Variants in XKR6 observed in about 807,000 individuals in gnomAD.
XKR6 encodes the protein XK-related protein 6.
In XKR6, 22 loss-of-function variants were observed where a neutral mutation model predicts 56.7. The ratio of observed to expected loss-of-function variants is 0.39; its 90% CI spans 0.28 to 0.55. The LOEUF is 0.55. Ranked by LOEUF, XKR6 falls within the 20% of genes least tolerant of loss-of-function variation. The pLI is 0.66. For missense variants in XKR6, 852 were observed against 889.0 expected, an observed-to-expected ratio of 0.96 and a Z score of 0.53; for synonymous variants, 524 against 387.8, an observed-to-expected ratio of 1.35 and a Z score of -4.13.
Position 10,977,605 on chromosome 8 carries a change from G to A in XKR6, c.765-52775C>T, listed in dbSNP as rs80044875. Among the ~76,000 whole-genome samples the A allele has an allele frequency of 2.2e-3, 323 of 149,338 alleles. 3 individuals are homozygous for A. In the East Asian group the frequency reaches 0.048, roughly 22 times the overall value. ...CAGGACAGCTGAGGCTGGGCACCCC[G>A]ACTAATTGCTGTTGCTGTGACCGCT... On this transcript the variant is annotated intron_variant, in intron 1 of 2. Coordinates refer to ENST00000416569, the MANE Select transcript of XKR6 (RefSeq NM_173683.4).
chr8:11,090,495 T>C (rs771389778), intron 1 of XKR6, among the ~76,000 whole-genome samples: 2 of 152,082 alleles, frequency 1.3e-5, no homozygotes, highest in Non-Finnish European at 2.9e-5. Context: ...AGATGGTAGG[T>C]GTCTCAAAGA....
intron 1 of XKR6, among the ~76,000 whole-genome samples, chr8:11,057,515 C>A (rs748742757): frequency 6.6e-6 from 1 of 152,208 alleles, no homozygotes; most frequent in Non-Finnish European, 1.5e-5. Context: ...CTCATCCTCA[C>A]GACAACACGC....
chr8:11,074,766 G>T (rs975376948), intron 1 of XKR6, among the ~76,000 whole-genome samples: 1 of 152,216 alleles, frequency 6.6e-6, no homozygotes, highest in African/African-American at 2.4e-5. Context: ...CCAAAGTAGA[G>T]GCTGCACACC....
intron 1 of XKR6, among the ~76,000 whole-genome samples, chr8:11,168,610 T>C (rs1010364621): frequency 3.9e-5 from 6 of 152,212 alleles, no homozygotes; most frequent in Non-Finnish European, 5.9e-5. Flanking sequence ...AAAGTTTACA[T>C]GGAATACTCT....
intron 1 of XKR6, among the ~76,000 whole-genome samples, chr8:10,999,708 G>T (rs1040268331): frequency 4.6e-5 from 7 of 152,190 alleles, no homozygotes; most frequent in African/African-American, 1.7e-4. Flanking sequence ...AGGATGTTCT[G>T]CAGATGTGAC....
chr8:11,046,303 G>C (rs903446785), intron 1 of XKR6, among the ~76,000 whole-genome samples: 5 of 152,138 alleles, frequency 3.3e-5, no homozygotes, highest in African/African-American at 1.2e-4. Context: ...AGGAGGCTGA[G>C]GCAGAAGAAT....
chr8:10,909,619 G>A (rs1194255539), intron 2 of XKR6, among the ~76,000 whole-genome samples: 1 of 152,206 alleles, frequency 6.6e-6, no homozygotes, highest in African/African-American at 2.4e-5. Context: ...AGGCAAACAA[G>A]GGAAGGGATC....
At chr8:10,944,436 G>C (rs1416452111) in intron 1 of XKR6, among the ~76,000 whole-genome samples, 1 of 152,140 alleles carries the variant, frequency 6.6e-6, no homozygotes, top group African/African-American at 2.4e-5. Flanking sequence ...AGAAGGCAAG[G>C]GTTGGACCCA....
intron 1 of XKR6, among the ~76,000 whole-genome samples, chr8:11,146,772 A>C (rs1421768847): frequency 6.6e-6 from 1 of 152,210 alleles, no homozygotes; most frequent in East Asian, 1.9e-4. Flanking sequence ...AAACACACAC[A>C]ATGAAAAAAC....
intron 1 of XKR6, among the ~76,000 whole-genome samples, chr8:10,940,409 C>T (rs537366415): frequency 1.3e-5 from 2 of 152,304 alleles, no homozygotes; most frequent in East Asian, 3.9e-4. Flanking sequence ...CCCTCCAGAG[C>T]CCATGTGCCA....
chr8:10,922,038 A>G (rs991568501), intron 2 of XKR6, among the ~76,000 whole-genome samples: 1 of 152,208 alleles, frequency 6.6e-6, no homozygotes, highest in African/African-American at 2.4e-5. Flanking sequence ...TCTGCCATGT[A>G]AGAACACAGT....
intron 1 of XKR6, among the ~76,000 whole-genome samples, chr8:11,134,698 G>T: frequency 6.7e-6 from 1 of 148,988 alleles, no homozygotes; most frequent in South Asian, 2.1e-4. Flanking sequence ...ATACACACAC[G>T]CACACACACA....
chr8:10,902,441 G>A (rs916185803), intron 2 of XKR6, among the ~76,000 whole-genome samples: 9 of 152,088 alleles, frequency 5.9e-5, no homozygotes, highest in Non-Finnish European at 8.8e-5. Context: ...GAGAACCACC[G>A]GCCATCTCTA....
chr8:11,151,142 C>G (rs893478120), intron 1 of XKR6, among the ~76,000 whole-genome samples: 4 of 152,124 alleles, frequency 2.6e-5, no homozygotes, highest in Non-Finnish European at 5.9e-5. Context: ...TCCAGTTCCT[C>G]TTTCTCCCCC....
intron 2 of XKR6, among the ~76,000 whole-genome samples, chr8:10,913,121 T>A (rs146854941): frequency 1.2e-4 from 18 of 151,740 alleles, no homozygotes; most frequent in African/African-American, 4.1e-4. Flanking sequence ...ATAGAGGGTG[T>A]GTATGTATGT....
intron 1 of XKR6, among the ~76,000 whole-genome samples, chr8:11,180,495 T>C (rs567826471): frequency 1.3e-5 from 2 of 152,296 alleles, no homozygotes; most frequent in East Asian, 3.9e-4. Context: ...CCACATACCC[T>C]GCAAGGGTGG....
Position 10,968,293 on chromosome 8 carries a change from T to C in XKR6, c.765-43463A>G, listed in dbSNP as rs113514502. Among the ~76,000 whole-genome samples, 213 of 152,378 alleles carry C rather than the reference T, an allele frequency of 1.4e-3. 1 individual carries two copies. In the South Asian group the frequency reaches 0.017, roughly 12 times the overall value. ...CAAAGAGAAAAGTGCCTCTGCAGATTGGACTCGGCTCACCCATTTAAAAAA... is the reference window on the plus strand; with the variant it reads ...CAAAGAGAAAAGTGCCTCTGCAGATCGGACTCGGCTCACCCATTTAAAAAA... On this transcript the variant is annotated intron_variant, in intron 1 of 2. Coordinates refer to ENST00000416569, the MANE Select transcript of XKR6 (RefSeq NM_173683.4).
At chr8:11,106,747 G>A (rs1798690193) in intron 1 of XKR6, 1 of 149,922 alleles carries the variant, frequency 6.7e-6, no homozygotes, top group African/African-American at 2.5e-5. Context: ...CTACTCAGGA[G>A]GCTGAGGCAG....
At chr8:11,102,229 G>A (rs1388145718) in intron 1 of XKR6, among the ~76,000 whole-genome samples, 1 of 152,104 alleles carries the variant, frequency 6.6e-6, no homozygotes, top group South Asian at 2.1e-4. Context: ...TCCCAGCCCA[G>A]CATCCCGAGG....
Sources: gnomAD v4.1 joint callset for allele counts (sites outside exome capture counted in the v4.1 genomes callset) on GRCh38, gnomAD v4.1.1 for gene constraint, MANE v1.5 for transcripts, NCBI Gene and HGNC (gene_info 2026-07-23, HGNC 2026-07-21) for gene names.